TM9SF2: variants seen among roughly 807,000 people sequenced by gnomAD.
TM9SF2 encodes the protein transmembrane 9 superfamily member 2, also known as 76 kDa membrane protein.
In TM9SF2, 13 loss-of-function variants were observed where a neutral mutation model predicts 84.9. The observed-to-expected ratio is 0.15, with a 90% confidence interval of 0.10 to 0.24. The LOEUF is 0.24. TM9SF2 is among the 10% of genes least tolerant of loss of function. The probability of loss-of-function intolerance (pLI) is 1.00; values close to 1 mark genes in which losing one functional copy is unlikely to be tolerated. For synonymous variants in TM9SF2, 273 were observed against 285.8 expected (o/e 0.96, Z 0.45); for missense variants, 562 against 818.5 (o/e 0.69, Z 3.82).
In TM9SF2 at chr13:99,503,843, G is replaced by A. The variant is rs1053492584; in HGVS notation, c.171+2066G>A. Among the ~76,000 whole-genome samples, 10 of 152,078 alleles carry A rather than the reference G, an allele frequency of 6.6e-5. No individual in the cohort carries two copies. The South Asian group carries it at 1.9e-3, about 28-fold the overall frequency. On this transcript the variant is annotated intron_variant, in intron 1 of 16. Coordinates refer to ENST00000376387, the MANE Select transcript of TM9SF2 (RefSeq NM_004800.3). Reference sequence around the variant, plus strand: ...AACAGGTCCTTTGGTAAGTGGCTAGGTTGTATTCTAGTTATTTTTTAGTTA... The same window carrying A: ...AACAGGTCCTTTGGTAAGTGGCTAGATTGTATTCTAGTTATTTTTTAGTTA...
intron 1 of TM9SF2, among the ~76,000 whole-genome samples, chr13:99,503,538 G>T (rs1470371386): frequency 6.6e-6 from 1 of 151,906 alleles, no homozygotes; most frequent in Non-Finnish European, 1.5e-5. Flanking sequence ...GTGAAACCGC[G>T]TCTCTACTAA....
At position 99,563,256 on chromosome 13, in the gene TM9SF2, T is replaced by C. The variant is rs1199557707; in HGVS notation, c.*498T>C. 1 of 152,596 alleles carries C rather than the reference T, an allele frequency of 6.6e-6. No homozygotes were observed. The highest frequency in any genetic ancestry group is 1.5e-5 in the Non-Finnish European group (1 of 68,320). 9.5% of individuals were successfully genotyped at this position (152,596 alleles called of 1,614,324 possible). On this transcript the variant is annotated 3_prime_UTR_variant, in exon 17 of 17. Coordinates refer to ENST00000376387, the MANE Select transcript of TM9SF2 (RefSeq NM_004800.3). ...TGTGGCTTTTAAAGAAAATCTTCTATTGGTTGTAACTGTTCATATCTTCTT... is the reference window on the plus strand; with the variant it reads ...TGTGGCTTTTAAAGAAAATCTTCTACTGGTTGTAACTGTTCATATCTTCTT...
At chr13:99,524,276 A>G (rs1038990691) in intron 3 of TM9SF2, among the ~76,000 whole-genome samples, 5 of 152,172 alleles carry the variant, frequency 3.3e-5, no homozygotes, top group African/African-American at 1.2e-4. Flanking sequence ...TCATCTAAAT[A>G]TGATCTGACT....
intron 13 of TM9SF2, 48 bp from the exon 14 acceptor site, chr13:99,554,256 T>G: frequency 7.5e-6 from 12 of 1,590,168 alleles, no homozygotes; most frequent in Non-Finnish European, 1.0e-5. Context: ...GAAGAATATT[T>G]GAGACAGATA....
At chr13:99,556,784 C>T (rs540666375) in intron 15 of TM9SF2, among the ~76,000 whole-genome samples, 42 of 152,190 alleles carry the variant, frequency 2.8e-4, no homozygotes, top group African/African-American at 9.9e-4. Flanking sequence ...GACGGGGTTT[C>T]ACCATGTTAG....
intron 3 of TM9SF2, among the ~76,000 whole-genome samples, chr13:99,527,926 CAA>C (rs2046191313): frequency 6.6e-6 from 1 of 152,176 alleles, no homozygotes; most frequent in Non-Finnish European, 1.5e-5. Context: ...GGTCTCCTAA[CAA>C]GATGGAGTTG....
At position 99,518,969 on chromosome 13, in the gene TM9SF2, T is replaced by C. The variant is rs2046147174; in HGVS notation, c.240-1067T>C. Among the ~76,000 whole-genome samples, 4 of 152,048 alleles carry C rather than the reference T, an allele frequency of 2.6e-5. 1 individual carries two copies. The South Asian group carries it at 8.3e-4, about 31-fold the overall frequency. On this transcript the variant is annotated intron_variant, in intron 2 of 16. Transcript: ENST00000376387. Reference sequence around the variant, plus strand: ...TGAATATCCTTTATTCATTTGACCATTGTATACCATATTGGGTCTAAAACT... The same window carrying C: ...TGAATATCCTTTATTCATTTGACCACTGTATACCATATTGGGTCTAAAACT...
At chr13:99,534,987 A>C (rs1180633860) in intron 4 of TM9SF2, among the ~76,000 whole-genome samples, 1 of 151,964 alleles carries the variant, frequency 6.6e-6, no homozygotes, top group African/African-American at 2.4e-5. Flanking sequence ...CCAACTCTAC[A>C]AAAAATATTT....
At chr13:99,536,134 T>TA (rs1251580689) in intron 4 of TM9SF2, among the ~76,000 whole-genome samples, 1 of 152,192 alleles carries the variant, frequency 6.6e-6, no homozygotes, top group Non-Finnish European at 1.5e-5. Flanking sequence ...AGGAACTAGA[T>TA]ATATTGCTTT....
At chr13:99,538,889 A>T (rs2046245853) in intron 6 of TM9SF2, among the ~76,000 whole-genome samples, 1 of 151,826 alleles carries the variant, frequency 6.6e-6, no homozygotes, top group South Asian at 2.1e-4. Context: ...ACAAAGCAAG[A>T]CCTTGTCTCA....
At chr13:99,549,093 G>T in intron 11 of TM9SF2, 72 bp from the exon 12 acceptor site, 1 of 1,349,574 alleles carries the variant, frequency 7.4e-7, no homozygotes, top group South Asian at 1.2e-5. Context: ...GCAAATATCA[G>T]ACTTGTAATA....
intron 4 of TM9SF2, among the ~76,000 whole-genome samples, chr13:99,535,255 T>C (rs556928288): frequency 2.0e-5 from 3 of 152,338 alleles, no homozygotes; most frequent in Admixed American, 2.0e-4. Context: ...CAAGGTATTA[T>C]ATAAATGATA....
chr13:99,549,026 T>C (rs2046295180), intron 11 of TM9SF2, 139 bp from the exon 12 acceptor site: 1 of 616,858 alleles, frequency 1.6e-6, no homozygotes, highest in Admixed American at 3.1e-5. Flanking sequence ...GAATATCATA[T>C]TATATTTGCT....
At chr13:99,503,102 T>C (rs567088333) in intron 1 of TM9SF2, among the ~76,000 whole-genome samples, 10 of 152,324 alleles carry the variant, frequency 6.6e-5, no homozygotes, top group African/African-American at 2.4e-4. Flanking sequence ...GGATTCTGAC[T>C]GAAAGACTGT....
chr13:99,504,366 T>G (rs1412945041), intron 1 of TM9SF2, among the ~76,000 whole-genome samples: 1 of 152,224 alleles, frequency 6.6e-6, no homozygotes, highest in African/African-American at 2.4e-5. Context: ...TTACCAACAG[T>G]TTTTCCATCT....
intron 1 of TM9SF2, among the ~76,000 whole-genome samples, chr13:99,506,274 T>A (rs2046088295): frequency 6.6e-6 from 1 of 152,218 alleles, no homozygotes; most frequent in Non-Finnish European, 1.5e-5. Flanking sequence ...TTGAAGATTT[T>A]GAAATACTTA....
chr13:99,562,301 T>G (rs1053879268), intron 16 of TM9SF2, among the ~76,000 whole-genome samples: 1 of 152,268 alleles, frequency 6.6e-6, no homozygotes, highest in Non-Finnish European at 1.5e-5. Flanking sequence ...TATCCCCATT[T>G]AATCATTATT....
At chr13:99,559,655 C>G in intron 16 of TM9SF2, 121 bp downstream of exon 16, 1 of 905,976 alleles carries the variant, frequency 1.1e-6, no homozygotes, top group Non-Finnish European at 1.6e-6. Context: ...ATATTTAGTC[C>G]TCAGCACAAC....
At chr13:99,507,340 C>T (rs553901795) in intron 1 of TM9SF2, among the ~76,000 whole-genome samples, 2 of 152,142 alleles carry the variant, frequency 1.3e-5, no homozygotes, top group Non-Finnish European at 2.9e-5. Flanking sequence ...CCAGAAAACA[C>T]TCTGTATCTA....
Sources: allele counts gnomAD v4.1 joint callset (sites outside exome capture counted in the v4.1 genomes callset), GRCh38; gene constraint gnomAD v4.1.1; transcripts MANE v1.5; gene names NCBI Gene and HGNC (gene_info 2026-07-23, HGNC 2026-07-21).